RIF1: variants seen among roughly 807,000 people sequenced by gnomAD.
RIF1 encodes the protein replication timing regulatory factor 1.
RIF1 carries 45 observed loss-of-function variants against 247.1 expected under a neutral mutation model. That is an observed-to-expected ratio of 0.18 (90% CI 0.14 to 0.23). The LOEUF is 0.23. Among genes scored for constraint, RIF1 ranks in the 10% least tolerant of loss-of-function variants. RIF1 has a pLI of 1.00. For missense variants in RIF1, 2,967 were observed against 2,862.5 expected, an observed-to-expected ratio of 1.04 and a Z score of -0.83; for synonymous variants, 1,087 against 978.8, an observed-to-expected ratio of 1.11 and a Z score of -2.06.
intron 29 of RIF1, 70 bp downstream of exon 29, chr2:151,462,536 G>A: frequency 1.0e-6 from 1 of 983,068 alleles, no homozygotes; most frequent in South Asian, 1.7e-5. Context: ...TTAAACTGCT[G>A]AAATGTCTGT....
chr2:151,505,911 T>C (rs752868147), intron 12 of RIF1: 21 of 561,736 alleles, frequency 3.7e-5, no homozygotes, highest in Non-Finnish European at 6.0e-5. Context: ...GAAGGTTGGT[T>C]CTTTGACTGT....
chr2:151,493,529 T>C, intron 9 of RIF1: 1 of 882,188 alleles, frequency 1.1e-6, no homozygotes, highest in Non-Finnish European at 1.7e-6. Context: ...TTATGGCTCA[T>C]GTTATGGCTC....
chr2:151,513,032 A>G, the RIF1 span, among the ~76,000 whole-genome samples: 1 of 152,220 alleles, frequency 6.6e-6, no homozygotes, highest in Admixed American at 6.5e-5. Context: ...GTCAAGTCCT[A>G]GCTGTTGAGA....
rs866380322 is a variant in RIF1, at chr2:151,478,490, A to T, written c.*3419A>T. Reference sequence around the variant, plus strand: ...CTCTGTCTCGCAAAAAAAAAAAAAAAGTTTAATTCTAACATTGCCCATGGA... The same window carrying T: ...CTCTGTCTCGCAAAAAAAAAAAAAATGTTTAATTCTAACATTGCCCATGGA... On this transcript the variant is annotated 3_prime_UTR_variant, in exon 36 of 36. Coordinates refer to ENST00000444746, the MANE Select transcript of RIF1 (RefSeq NM_018151.5). 1.3e-4 allele frequency: 20 copies of T among 152,036 alleles called. No individual in the cohort carries two copies. Among genetic ancestry groups the T allele is most frequent in the Middle Eastern group, 3.4e-3 (1 of 294 alleles). 9.4% of individuals were successfully genotyped at this position (152,036 alleles called of 1,614,324 possible).
intron 20 of RIF1, among the ~76,000 whole-genome samples, chr2:151,449,636 T>A (rs1480759368): frequency 6.6e-6 from 1 of 152,206 alleles, no homozygotes; most frequent in African/African-American, 2.4e-5. Context: ...AGTCTTCTCT[T>A]TTCTTGGTTG....
At chr2:151,512,615 ATC>A (rs1490305106), downstream of RIF1, 7 of 804,026 alleles carry the variant, frequency 8.7e-6, no homozygotes, top group African/African-American at 1.7e-5. Flanking sequence ...CACCTGGTGA[ATC>A]TCTTTTTTAT....
rs1382863547 is a variant in RIF1, at chr2:151,424,841, T to C, written c.786+1799T>C. ...GCCCGGCTGATTTTTTTTTTTTTTTTTTTTTTTTTTTTTTTCCATATTTTT... is the reference window on the plus strand; with the variant it reads ...GCCCGGCTGATTTTTTTTTTTTTTTCTTTTTTTTTTTTTTTCCATATTTTT... On this transcript the variant is annotated intron_variant, in intron 8 of 35. Coordinates refer to ENST00000444746, the MANE Select transcript of RIF1 (RefSeq NM_018151.5). 3.1e-4 allele frequency among the ~76,000 whole-genome samples: 44 copies of C among 141,916 alleles called. 1 individual carries two copies. Among genetic ancestry groups the C allele is most frequent in the South Asian group, 2.5e-3 (10 of 4,072 alleles). The allele number at this position is 141,916 out of a possible 152,430, so 93.1% of individuals were successfully genotyped here. A position where few individuals can be genotyped will look rare whatever the true frequency, so the allele number is the denominator to read the frequency against.
intron 27 of RIF1, among the ~76,000 whole-genome samples, 163 bp downstream of exon 27, chr2:151,461,452 T>G (rs976428774): frequency 6.0e-5 from 9 of 149,816 alleles, no homozygotes; most frequent in Non-Finnish European, 7.4e-5. Context: ...AGTGCAGTGG[T>G]GCCATCTCGG....
chr2:151,514,924 T>A, the RIF1 span: 4 of 1,552,930 alleles, frequency 2.6e-6, no homozygotes, highest in South Asian at 4.7e-5. Context: ...TTTCCTATAT[T>A]CTTTCTAATG....
chr2:151,485,243 T>A (rs975159985), downstream of RIF1: 3 of 152,242 alleles, frequency 2.0e-5, no homozygotes, highest in Admixed American at 6.5e-5. Context: ...ATTTAGATAA[T>A]TTTTTAGTAA....
intron 12 of RIF1, chr2:151,503,267 T>A (rs976447775): frequency 2.6e-5 from 26 of 1,012,620 alleles, no homozygotes; most frequent in Non-Finnish European, 3.7e-5. Context: ...GCTGTTAAGA[T>A]GTTACTTTCT....
At position 151,435,488 on chromosome 2, in the gene RIF1, C is replaced by A. The variant is rs182886629; in HGVS notation, c.1103C>A (p.Thr368Lys). ...EQVCVPLIQS[T>K]ISIDSNASPQ... Reference sequence around the variant, plus strand: ...GTTTGTGTGCCTCTGATTCAAAGTACAATAAGCATTGATTCTAATGCCTCA... The same window carrying A: ...GTTTGTGTGCCTCTGATTCAAAGTAAAATAAGCATTGATTCTAATGCCTCA... The change falls in exon 11 of 36, where the codon ACA (threonine) becomes AAA (lysine). Residue 368 changes from threonine (T) to lysine (K), a missense_variant. Transcript: ENST00000444746. 20 of 1,610,670 alleles carry A rather than the reference C, an allele frequency of 1.2e-5. No homozygotes were observed. The highest frequency in any genetic ancestry group is 2.2e-5 in the South Asian group (2 of 90,988).
rs765305866 is a variant in RIF1 at position 151,435,594 on chromosome 2, A to G, written c.1195+14A>G. ...CTGTACACAAAGGTAAGAGGTAGAT[A>G]TTCTTGTTTTTTGCTTTTTTAATCA... On this transcript the variant is annotated intron_variant, in intron 11 of 35. Transcript: ENST00000444746. 17 of 1,451,502 alleles carry G rather than the reference A, an allele frequency of 1.2e-5. No individual in the cohort carries two copies. The Admixed American group carries it at 1.5e-4, about 13-fold the overall frequency. The allele number at this position is 1,451,502 out of a possible 1,614,324, so 89.9% of individuals were successfully genotyped here. A position where few individuals can be genotyped will look rare whatever the true frequency, so the allele number is the denominator to read the frequency against.
Position 151,437,082 on chromosome 2 carries a change from T to C in RIF1, c.1372+79T>C, listed in dbSNP as rs899588619. 9.6e-6 allele frequency: 13 copies of C among 1,348,392 alleles called. No homozygotes were observed. In the African/African-American group the frequency reaches 1.0e-4, roughly 11 times the overall value. 83.5% of individuals were successfully genotyped at this position (1,348,392 alleles called of 1,614,324 possible). A position where few individuals can be genotyped will look rare whatever the true frequency, so the allele number is the denominator to read the frequency against. ...TGCATTGGGGTGAGGAGAGGTGTTA[T>C]TTTGTCGCAGCCAAAATATTTTACA... is the stretch of plus-strand genomic sequence containing the variant. On this transcript the variant is annotated intron_variant, in intron 12 of 35. Coordinates refer to ENST00000444746, the MANE Select transcript of RIF1 (RefSeq NM_018151.5).
chr2:151,495,614 T>G (rs1295032427), intron 10 of RIF1, among the ~76,000 whole-genome samples: 1 of 152,154 alleles, frequency 6.6e-6, no homozygotes, highest in African/African-American at 2.4e-5. Flanking sequence ...AGCACAAGCT[T>G]ACGGGAAATG....
chr2:151,427,269 A>C (rs764791170), intron 8 of RIF1, among the ~76,000 whole-genome samples: 1 of 151,252 alleles, frequency 6.6e-6, no homozygotes, highest in South Asian at 2.1e-4. Flanking sequence ...CTGGAGTGCA[A>C]ACATGATCTC....
chr2:151,471,125 A>G (rs1697743081), intron 34 of RIF1, among the ~76,000 whole-genome samples: 2 of 152,026 alleles, frequency 1.3e-5, no homozygotes, highest in South Asian at 2.1e-4. Flanking sequence ...AGATTTGCCT[A>G]TTCTGGATAT....
chr2:151,417,016 C>T (rs1573861791), intron 6 of RIF1, 115 bp downstream of exon 6: 3 of 700,328 alleles, frequency 4.3e-6, no homozygotes, highest in Admixed American at 6.0e-5. Context: ...ATGTCATTTA[C>T]ACCAAACGAC....
intron 34 of RIF1, among the ~76,000 whole-genome samples, chr2:151,473,648 C>CT (rs2048752835): frequency 6.6e-6 from 1 of 151,972 alleles, no homozygotes; most frequent in Admixed American, 6.6e-5. Flanking sequence ...CTGGTATAGA[C>CT]TTTTTTATAC....
Sources: allele counts gnomAD v4.1 joint callset (sites outside exome capture counted in the v4.1 genomes callset), GRCh38; gene constraint gnomAD v4.1.1; transcripts MANE v1.5; gene names NCBI Gene and HGNC (gene_info 2026-07-23, HGNC 2026-07-21).